The following MDH1B variants were observed in gnomAD, a reference collection of about 807,000 sequenced individuals.
MDH1B encodes putative malate dehydrogenase 1B.
In MDH1B, 60 loss-of-function variants were observed where a neutral mutation model predicts 61.4. The ratio of observed to expected loss-of-function variants is 0.98; its 90% CI spans 0.79 to 1.21. The LOEUF is 1.21. MDH1B is among the 50% of genes most tolerant of loss of function. The pLI is 0.00. For missense variants in MDH1B, 587 were observed against 632.1 expected (o/e 0.93, Z 0.76); for synonymous variants, 236 against 218.7 (o/e 1.08, Z -0.70).
intron 5 of MDH1B, 147 bp from the exon 6 acceptor site, chr2:206,751,222 T>C (rs1275283337): frequency 1.6e-5 from 9 of 563,814 alleles, no homozygotes; most frequent in African/African-American, 9.5e-5. Flanking sequence ...ATTCCTAAAA[T>C]TGTGCAAATT....
At chr2:206,740,925 C>A in intron 10 of MDH1B, 129 bp downstream of exon 10, 1 of 1,259,846 alleles carries the variant, frequency 7.9e-7, no homozygotes, top group Non-Finnish European at 1.1e-6. Context: ...GTTTGTGAAG[C>A]ATATGAAAAG....
At chr2:206,763,397 T>C (rs1689219406) in intron 1 of MDH1B, among the ~76,000 whole-genome samples, 1 of 152,194 alleles carries the variant, frequency 6.6e-6, no homozygotes, top group South Asian at 2.1e-4. Context: ...CTCCAATCCA[T>C]TCACTTCTCT....
chr2:206,742,711 A>ATTTT (rs59584383), intron 9 of MDH1B, among the ~76,000 whole-genome samples: 8 of 97,214 alleles, frequency 8.2e-5, no homozygotes, highest in Admixed American at 1.1e-4. Flanking sequence ...TGATGTCTCT[A>ATTTT]TTTTTTTTTT....
intron 2 of MDH1B, among the ~76,000 whole-genome samples, chr2:206,759,970 A>G (rs1438710398): frequency 6.6e-6 from 1 of 152,218 alleles, no homozygotes; most frequent in Non-Finnish European, 1.5e-5. Context: ...CCCTGAAACT[A>G]TGAGCAGTGG....
Position 206,746,556 on chromosome 2 carries a change from C to T in MDH1B, c.1217-130G>A, listed in dbSNP as rs116666463. 988 of 1,022,280 alleles carry T rather than the reference C, an allele frequency of 9.7e-4. 6 individuals are homozygous for T. In the African/African-American group the frequency reaches 0.014, roughly 15 times the overall value. The allele number at this position is 1,022,280 out of a possible 1,614,324, so 63.3% of individuals were successfully genotyped here. ...ATGATAATGATGGAATTAAATTTCT[C>T]GGAATTCTTCTCCAAAGAGGACTGA... On this transcript the variant is annotated intron_variant, in intron 7 of 11. Transcript: ENST00000374412.
At chr2:206,743,471 G>T (rs1687928862) in intron 9 of MDH1B, among the ~76,000 whole-genome samples, 1 of 152,024 alleles carries the variant, frequency 6.6e-6, no homozygotes, top group Admixed American at 6.6e-5. Flanking sequence ...AGTTCCTCCA[G>T]GCTTTTTTCT....
chr2:206,754,897 T>C (rs1688664535), intron 5 of MDH1B, 112 bp downstream of exon 5: 3 of 1,226,876 alleles, frequency 2.4e-6, no homozygotes, highest in Non-Finnish European at 3.4e-6. Flanking sequence ...TGTTTTATAC[T>C]TCCTATTCCA....
chr2:206,743,009 C>A (rs1212471721), intron 9 of MDH1B, among the ~76,000 whole-genome samples: 3 of 152,120 alleles, frequency 2.0e-5, no homozygotes. Flanking sequence ...GCCACCACGC[C>A]CAGCCGATGT....
intron 9 of MDH1B, chr2:206,745,237 C>A (rs1001613586): frequency 9.0e-6 from 3 of 331,772 alleles, no homozygotes; most frequent in African/African-American, 6.6e-5. Flanking sequence ...AGAAGGAATT[C>A]TTTCTCAAGC....
intron 5 of MDH1B, 31 bp from the exon 6 acceptor site, chr2:206,751,106 T>A: frequency 1.4e-6 from 2 of 1,453,064 alleles, no homozygotes; most frequent in Non-Finnish European, 1.9e-6. Flanking sequence ...AGAAAAATAA[T>A]AATAATGTAT....
At chr2:206,754,166 T>C (rs1688617207) in intron 5 of MDH1B, among the ~76,000 whole-genome samples, 4 of 152,328 alleles carry the variant, frequency 2.6e-5, no homozygotes, top group Middle Eastern at 3.4e-3. Context: ...CTGGCTATAA[T>C]GTTAGGGGTT....
At chr2:206,763,382 T>C (rs1689217594) in intron 1 of MDH1B, among the ~76,000 whole-genome samples, 1 of 152,012 alleles carries the variant, frequency 6.6e-6, no homozygotes, top group African/African-American at 2.4e-5. Flanking sequence ...GCCTCCCTAA[T>C]ATCTCTCCAA....
chr2:206,747,764 G>A (rs1164933670), intron 7 of MDH1B, among the ~76,000 whole-genome samples: 2 of 152,194 alleles, frequency 1.3e-5, no homozygotes, highest in African/African-American at 4.8e-5. Flanking sequence ...GGGGGATTTG[G>A]GGAGATTTCC....
chr2:206,741,286 A>T (rs1245584314), intron 9 of MDH1B, 182 bp from the exon 10 acceptor site: 3 of 760,308 alleles, frequency 3.9e-6, no homozygotes, highest in Non-Finnish European at 4.3e-6. Context: ...ACAAAAAAAT[A>T]CATGAAATAA....
intron 11 of MDH1B, among the ~76,000 whole-genome samples, 156 bp from the exon 12 acceptor site, chr2:206,738,667 A>G (rs1004826544): frequency 3.3e-5 from 5 of 152,214 alleles, no homozygotes; most frequent in African/African-American, 9.6e-5. Flanking sequence ...AAATAAAGCC[A>G]TGAGATCATA....
intron 10 of MDH1B, 141 bp from the exon 11 acceptor site, chr2:206,739,802 G>C (rs961386245): frequency 1.4e-6 from 1 of 699,948 alleles, no homozygotes; most frequent in African/African-American, 1.8e-5. Context: ...CAAGATGCTA[G>C]ACCACTGTTA....
At chr2:206,761,805 C>T (rs1689112526) in intron 1 of MDH1B, among the ~76,000 whole-genome samples, 1 of 152,084 alleles carries the variant, frequency 6.6e-6, no homozygotes, top group African/African-American at 2.4e-5. Context: ...AGCATTCTTC[C>T]TCAGTTAAGA....
intron 2 of MDH1B, 72 bp downstream of exon 2, chr2:206,760,829 C>A: frequency 1.2e-6 from 1 of 826,144 alleles, no homozygotes; most frequent in South Asian, 1.6e-5. Flanking sequence ...TCTAATACAC[C>A]AGTTAATATT....
chr2:206,760,887 T>C lies in MDH1B; in HGVS notation c.135+14A>G, dbSNP rs774213429. The C allele has an allele frequency of 4.1e-5, 61 of 1,482,112 alleles. 1 individual carries two copies. In the South Asian group the frequency reaches 5.8e-4, roughly 14 times the overall value. 91.8% of individuals were successfully genotyped at this position (1,482,112 alleles called of 1,614,324 possible). ...GTGCATGAGTGAGTTCAACAAACTA[T>C]AAAGGCTTCTTACCTCCCAAACCTC... On this transcript the variant is annotated intron_variant, in intron 2 of 11. Coordinates refer to ENST00000374412, the MANE Select transcript of MDH1B (RefSeq NM_001039845.3).
Sources: gnomAD v4.1 joint callset for allele counts (sites outside exome capture counted in the v4.1 genomes callset) on GRCh38, gnomAD v4.1.1 for gene constraint, MANE v1.5 for transcripts, NCBI Gene and HGNC (gene_info 2026-07-23, HGNC 2026-07-21) for gene names.